VIM: variants seen among roughly 807,000 people sequenced by gnomAD.
The protein encoded by VIM is epididymis secretory sperm binding protein.
In VIM, 18 loss-of-function variants were observed where a neutral mutation model predicts 50.3. The ratio of observed to expected loss-of-function variants is 0.36; its 90% CI spans 0.25 to 0.53. The LOEUF is 0.53. VIM is among the 20% of genes least tolerant of loss of function. VIM has a pLI of 0.91. For synonymous variants in VIM, 245 were observed against 248.5 expected, an observed-to-expected ratio of 0.99 and a Z score of 0.13; for missense variants, 551 against 614.7, an observed-to-expected ratio of 0.90 and a Z score of 1.10.
chr10:17,235,344 T>C lies in VIM; in HGVS notation c.1184T>C (p.Ile395Thr), dbSNP rs1470562734. The C allele has an allele frequency of 6.2e-7, 1 of 1,614,160 alleles. No individual in the cohort carries two copies. The highest frequency in any genetic ancestry group is 1.7e-5 in the Admixed American group (1 of 60,016). ...CTCAATGTTAAGATGGCCCTTGACA[T>C]TGAGATTGCCACCTACAGGAAGCTG... is the stretch of plus-strand genomic sequence containing the variant. ...DLLNVKMALD[I>T]EIATYRKLLE... is the part of the protein sequence containing the mutation. Residue 395 changes from isoleucine to threonine, a missense_variant, in exon 7 of 10, where the codon ATT becomes ACT. Ile to Thr is a moderately conservative substitution (Grantham distance 89, BLOSUM62 -1). Transcript: ENST00000544301.
In VIM at chr10:17,229,973, G is replaced by A. The variant is rs1321743889; in HGVS notation, c.551G>A (p.Arg184His). The change falls in exon 2 of 10, where the codon CGC becomes CAC. Residue 184 changes from arginine (R) to histidine (H), a missense_variant. Physicochemically the swap from Arg to His is conservative, Grantham distance 29 (BLOSUM62 0). Coordinates refer to ENST00000544301, the MANE Select transcript of VIM (RefSeq NM_003380.5). ...ERDNLAEDIMRLREKLQEEML... is the reference protein window; with the variant it reads ...ERDNLAEDIMHLREKLQEEML... ...GACAACCTGGCCGAGGACATCATGCGCCTCCGGGAGAAGTAAGGCTGCGCC... is the reference window on the plus strand; with the variant it reads ...GACAACCTGGCCGAGGACATCATGCACCTCCGGGAGAAGTAAGGCTGCGCC... 6.2e-7 allele frequency: 1 copy of A among 1,611,274 alleles called. No homozygotes were observed. Among genetic ancestry groups the A allele is most frequent in the Non-Finnish European group, 8.5e-7 (1 of 1,179,318 alleles).
chr10:17,231,031 T>C, intron 3 of VIM: 1 of 270,618 alleles, frequency 3.7e-6, no homozygotes, highest in East Asian at 9.0e-5. Flanking sequence ...TCTAAGCAGT[T>C]CCTTGGGACA....
chr10:17,230,695 G>C lies in VIM; in HGVS notation c.609G>C (p.Leu203=), dbSNP rs148956484. 6.2e-7 allele frequency: 1 copy of C among 1,614,150 alleles called. No individual in the cohort carries two copies. The highest frequency in any genetic ancestry group is 2.2e-5 in the East Asian group (1 of 44,882). The change falls in exon 3 of 10, where the codon CTG becomes CTC. Residue 203 remains leucine (L), a synonymous_variant. Coordinates refer to ENST00000544301, the MANE Select transcript of VIM (RefSeq NM_003380.5). ...AGAGAGAGGAAGCCGAAAACACCCT[G>C]CAATCTTTCAGACAGGTTTGTAGAC... ...MLQREEAENT[L]QSFRQDVDNA... is the part of the protein sequence containing the mutation.
At chr10:17,229,240 CG>C in intron 1 of VIM, 35 bp from the exon 2 acceptor site, 1 of 558,140 alleles carries the variant, frequency 1.8e-6, no homozygotes, top group Non-Finnish European at 3.1e-6. Flanking sequence ...TCTTTCCTAA[CG>C]GGGTTATAAA....
rs201823305 is a variant in VIM at position 17,233,553 on chromosome 10, C to T, written c.625-34C>T. The T allele has an allele frequency of 8.7e-4, 1,391 of 1,597,828 alleles. 1 individual carries two copies. The highest frequency in any genetic ancestry group is 1.1e-3 in the Non-Finnish European group (1,312 of 1,165,354). On this transcript the variant is annotated intron_variant, in intron 3 of 9. Coordinates refer to ENST00000544301, the MANE Select transcript of VIM (RefSeq NM_003380.5). ...TGAGATAAGCCATACACTTTTACAT[C>T]CTCCATGTCCTGTCTTTTCTCTGTT...
In VIM at chr10:17,233,878, G is replaced by A. The variant is rs747619298; in HGVS notation, c.829G>A (p.Glu277Lys). The A allele has an allele frequency of 1.9e-6, 3 of 1,614,176 alleles. No homozygotes were observed. The highest frequency in any genetic ancestry group is 2.5e-6 in the Non-Finnish European group (3 of 1,180,030). ...AALRDVRQQY[E>K]SVAAKNLQEA... ...CCTGCGTGACGTACGTCAGCAATAT[G>A]AAAGTGTGGCTGCCAAGAACCTGCA... The change falls in exon 5 of 10, where the codon GAA becomes AAA. Residue 277 changes from glutamate (E) to lysine (K), a missense_variant. Glu to Lys is a moderately conservative substitution (Grantham distance 56). This residue lies in a region of VIM where 394 missense variants were observed against 437.5 expected (regional missense o/e 0.90). Transcript: ENST00000544301.
intron 3 of VIM, 133 bp downstream of exon 3, chr10:17,230,843 G>A: frequency 2.1e-6 from 2 of 940,308 alleles, no homozygotes; most frequent in Non-Finnish European, 3.4e-6. Flanking sequence ...CTCTAGTGGC[G>A]GGAAGACCAC....
chr10:17,235,062 C>T (rs1445499862), intron 6 of VIM, 107 bp from the exon 7 acceptor site: 3 of 1,336,672 alleles, frequency 2.2e-6, no homozygotes, highest in Non-Finnish European at 3.2e-6. Context: ...TTAGAGTGGT[C>T]GCCATTTGCC....
chr10:17,234,303 T>C (rs1846849176), intron 5 of VIM, among the ~76,000 whole-genome samples: 1 of 152,056 alleles, frequency 6.6e-6, no homozygotes, highest in Non-Finnish European at 1.5e-5. Flanking sequence ...TTAGTAGAGA[T>C]GGGGTTTCAC....
intron 2 of VIM, 107 bp downstream of exon 2, chr10:17,230,092 C>CG (rs35464523): frequency 0.053 from 71,653 of 1,343,646 alleles, 2,262 homozygotes; most frequent in Middle Eastern, 0.11. Context: ...GGGATGTGGC[C>CG]GGGGGGAGGC....
chr10:17,231,940 T>G (rs1277818679), intron 3 of VIM, among the ~76,000 whole-genome samples: 1 of 152,258 alleles, frequency 6.6e-6, no homozygotes, highest in African/African-American at 2.4e-5. Flanking sequence ...TATAACATTT[T>G]GAAACTGAAA....
chr10:17,235,087 T>C, intron 6 of VIM, 82 bp from the exon 7 acceptor site: 1 of 1,505,010 alleles, frequency 6.6e-7, no homozygotes, highest in Non-Finnish European at 9.2e-7. Context: ...ATGGAAATTA[T>C]TGCAGAAGGT....
At chr10:17,230,092 C>A in intron 2 of VIM, 107 bp downstream of exon 2, 2 of 1,343,980 alleles carry the variant, frequency 1.5e-6, no homozygotes, top group African/African-American at 1.5e-5. Context: ...GGGATGTGGC[C>A]GGGGGGAGGC....
rs966516460 is a variant in VIM, at chr10:17,235,017, A to G, written c.1009-152A>G. ...GCTTGCCTATATCATTGCTTCTAAT[A>G]TGAAGGACTTGGTACTCGCATTCTC... On this transcript the variant is annotated intron_variant, in intron 6 of 9. Coordinates refer to ENST00000544301, the MANE Select transcript of VIM (RefSeq NM_003380.5). The G allele has an allele frequency of 1.4e-5, 16 of 1,161,386 alleles. No individual in the cohort carries two copies. The East Asian group carries it at 3.3e-4, about 24-fold the overall frequency. 71.9% of individuals were successfully genotyped at this position (1,161,386 alleles called of 1,614,324 possible).
rs199902798 is a variant in VIM, at chr10:17,234,660, G to A, written c.883-33G>A. The A allele has an allele frequency of 2.4e-4, 381 of 1,612,570 alleles. No homozygotes were observed. The East Asian group carries it at 7.7e-3, about 33-fold the overall frequency. ...TAAGAGAGTCAAAAGACTTGAATGT[G>A]AGCAATCTACATTTCTGTTTTCTTC... is the stretch of plus-strand genomic sequence containing the variant. On this transcript the variant is annotated intron_variant, in intron 5 of 9. Coordinates refer to ENST00000544301, the MANE Select transcript of VIM (RefSeq NM_003380.5).
intron 8 of VIM, 24 bp downstream of exon 8, chr10:17,235,913 G>T: frequency 6.2e-7 from 1 of 1,608,194 alleles, no homozygotes; most frequent in Non-Finnish European, 8.5e-7. Context: ...TTCCCTTTAG[G>T]AAAAACGTCA....
At position 17,229,953 on chromosome 10, in the gene VIM, C is replaced by A. The variant is rs1459941371; in HGVS notation, c.531C>A (p.Asn177Lys). ...DKARVEVERD[N>K]LAEDIMRLRE... ...CCCGCGTCGAGGTGGAGCGCGACAA[C>A]CTGGCCGAGGACATCATGCGCCTCC... The change falls in exon 2 of 10, where the codon AAC becomes AAA. Residue 177 changes from asparagine to lysine, a missense_variant. By Grantham distance (94) the Asn-to-Lys change is moderately conservative (BLOSUM62 0). This residue lies in a region of VIM where 394 missense variants were observed against 437.5 expected (regional missense o/e 0.90). Transcript: ENST00000544301. 1 of 1,612,728 alleles carries A rather than the reference C, an allele frequency of 6.2e-7. No homozygotes were observed. The highest frequency in any genetic ancestry group is 8.5e-7 in the Non-Finnish European group (1 of 1,179,786).
Position 17,229,349 on chromosome 10 carries a change from C to A in VIM, c.-74C>A. The A allele has an allele frequency of 6.8e-7, 1 of 1,480,946 alleles. No homozygotes were observed. The allele number at this position is 1,480,946 out of a possible 1,614,324, so 91.7% of individuals were successfully genotyped here. On this transcript the variant is annotated 5_prime_UTR_variant, in exon 2 of 10. Transcript: ENST00000544301. ...GCTCCCACCACCCACACCCACCGCG[C>A]CCTCGTTCGCCTCTTCTCCGGGAGC...
intron 7 of VIM, 83 bp from the exon 8 acceptor site, chr10:17,235,763 G>A (rs568300820): frequency 1.0e-4 from 142 of 1,391,650 alleles, no homozygotes; most frequent in Non-Finnish European, 1.3e-4. Context: ...CTTACGTGAC[G>A]AAAACAAAAA....
Sources: gnomAD v4.1 joint callset for allele counts (sites outside exome capture counted in the v4.1 genomes callset) on GRCh38, gnomAD v4.1.1 for gene constraint, gnomAD v4.1.1 regional missense constraint, MANE v1.5 for transcripts, NCBI Gene and HGNC (gene_info 2026-07-23, HGNC 2026-07-21) for gene names.